The following SEPTIN9 variants were observed in gnomAD, a reference collection of about 807,000 sequenced individuals.
The protein encoded by SEPTIN9 is septin-9.
Under a neutral mutation model 56.6 loss-of-function variants are expected in SEPTIN9, and 13 were observed. The ratio of observed to expected loss-of-function variants is 0.23; its 90% CI spans 0.15 to 0.37. The LOEUF is 0.37. Ranked by LOEUF, SEPTIN9 falls within the 10% of genes least tolerant of loss-of-function variation. The pLI, the probability that SEPTIN9 is intolerant of heterozygous loss-of-function variation, is 1.00. For missense variants in SEPTIN9, 650 were observed against 823.1 expected (o/e 0.79, Z 2.57); for synonymous variants, 332 against 334.1 (o/e 0.99, Z 0.07).
chr17:77,429,444 C>A lies in SEPTIN9; in HGVS notation c.721+26741C>A. Reference sequence around the variant, plus strand: ...ATTGCATTTGGGGAGGGACTGAGGGCTGATTGTGTTGTGGGGATGTTGGCA... The same window carrying A: ...ATTGCATTTGGGGAGGGACTGAGGGATGATTGTGTTGTGGGGATGTTGGCA... On this transcript the variant is annotated intron_variant, in intron 3 of 11. Transcript: ENST00000427177. The surrounding 1 kb of genome is among the most constrained non-coding windows in gnomAD (Gnocchi z 5.2). 2.6e-6 allele frequency: 1 copy of A among 385,280 alleles called. No homozygotes were observed. The highest frequency in any genetic ancestry group is 3.3e-5 in the Admixed American group (1 of 30,386). 23.9% of individuals were successfully genotyped at this position (385,280 alleles called of 1,614,324 possible).
intron 3 of SEPTIN9, among the ~76,000 whole-genome samples, chr17:77,463,896 G>A (rs1177780185): frequency 6.6e-6 from 1 of 152,016 alleles, no homozygotes; most frequent in East Asian, 1.9e-4. Context: ...CTCGATCGCT[G>A]AAAATGTCAA....
At chr17:77,363,018 CG>C (rs2034462959) in intron 2 of SEPTIN9, among the ~76,000 whole-genome samples, 1 of 152,174 alleles carries the variant, frequency 6.6e-6, no homozygotes, top group Non-Finnish European at 1.5e-5. Context: ...ATGACCAAGG[CG>C]GGGAGAAGTG....
At chr17:77,493,927 C>T (rs2040147745) in intron 10 of SEPTIN9, among the ~76,000 whole-genome samples, 1 of 152,136 alleles carries the variant, frequency 6.6e-6, no homozygotes, top group African/African-American at 2.4e-5. Flanking sequence ...CACGTACCAC[C>T]CACCTGACTT....
intron 1 of SEPTIN9, among the ~76,000 whole-genome samples, chr17:77,287,146 G>C (rs1321713671): frequency 6.6e-6 from 1 of 152,234 alleles, no homozygotes; most frequent in African/African-American, 2.4e-5. Context: ...CCAGGTCATG[G>C]TGATCTGGAA....
chr17:77,391,810 GGCTGGTTCAGCTGGT>G (rs2035550807), intron 2 of SEPTIN9, among the ~76,000 whole-genome samples: 1 of 152,184 alleles, frequency 6.6e-6, no homozygotes, highest in African/African-American at 2.4e-5. Flanking sequence ...TTCAAGCTGG[GGCTGGTTCAGCTGGT>G]GCTGGCTTGC....
intron 2 of SEPTIN9, among the ~76,000 whole-genome samples, chr17:77,358,778 C>T (rs1450975236): frequency 2.0e-5 from 3 of 152,156 alleles, no homozygotes; most frequent in Admixed American, 1.3e-4. Context: ...AGGGGCTCAG[C>T]GTATAAAGAT....
chr17:77,308,065 T>G (rs1042890343), intron 2 of SEPTIN9, among the ~76,000 whole-genome samples: 1 of 152,154 alleles, frequency 6.6e-6, no homozygotes, highest in Non-Finnish European at 1.5e-5. Context: ...GCTTTTCTAT[T>G]TGGAGAGGAT....
chr17:77,476,907 G>A lies in SEPTIN9; in HGVS notation c.722-5237G>A, dbSNP rs1272565515. ...TAAAGCTGGCTCCTGGGCACTTGTGGAAAACACTGGACTCTTTATTTTATT... is the reference window on the plus strand; with the variant it reads ...TAAAGCTGGCTCCTGGGCACTTGTGAAAAACACTGGACTCTTTATTTTATT... On this transcript the variant is annotated intron_variant, in intron 3 of 11. Transcript: ENST00000427177. The surrounding 1 kb of genome is among the most constrained non-coding windows in gnomAD (Gnocchi z 6.0). Among the ~76,000 whole-genome samples, 2 of 152,224 alleles carry A rather than the reference G, an allele frequency of 1.3e-5. No individual in the cohort carries two copies. Among genetic ancestry groups the A allele is most frequent in the East Asian group, 1.9e-4 (1 of 5,206 alleles).
intron 2 of SEPTIN9, chr17:77,322,968 C>A (rs1236822462): frequency 6.6e-6 from 1 of 152,520 alleles, no homozygotes; most frequent in African/African-American, 2.4e-5. Flanking sequence ...TCATGCCCCA[C>A]TGGGCTGGCG....
intron 3 of SEPTIN9, among the ~76,000 whole-genome samples, chr17:77,447,379 C>T (rs760536467): frequency 3.3e-5 from 5 of 152,178 alleles, no homozygotes; most frequent in Non-Finnish European, 5.9e-5. Flanking sequence ...GCTTCAGGAC[C>T]CTCCACCAAA....
intron 2 of SEPTIN9, among the ~76,000 whole-genome samples, chr17:77,334,308 G>A (rs1440131961): frequency 1.3e-5 from 2 of 151,466 alleles, no homozygotes; most frequent in African/African-American, 4.9e-5. Flanking sequence ...TGTAGTCCCA[G>A]ATAATCGGGA....
rs1335682181 is a variant in SEPTIN9 at position 77,488,058 on chromosome 17, G to C, written c.1043-182G>C. On this transcript the variant is annotated intron_variant, in intron 5 of 11. Coordinates refer to ENST00000427177, the MANE Select transcript of SEPTIN9 (RefSeq NM_001113491.2). ...TTCCACCAAAAGTCTGACAGGCAAG[G>C]GGCTCCCAGGGGAACCGTCACCGGC... 2.6e-5 allele frequency among the ~76,000 whole-genome samples: 4 copies of C among 152,244 alleles called. No homozygotes were observed. In the East Asian group the frequency reaches 7.7e-4, roughly 29 times the overall value.
intron 3 of SEPTIN9, among the ~76,000 whole-genome samples, chr17:77,431,990 G>A (rs900745159): frequency 2.0e-5 from 3 of 152,106 alleles, no homozygotes; most frequent in African/African-American, 4.8e-5. Context: ...CGTGGCTGGC[G>A]GGACTTAGAA....
At chr17:77,314,180 A>ATTT (rs560462464) in intron 2 of SEPTIN9, among the ~76,000 whole-genome samples, 1 of 142,832 alleles carries the variant, frequency 7.0e-6, no homozygotes, top group Non-Finnish European at 1.5e-5. Flanking sequence ...AAAAAAAAAA[A>ATTT]TTTTTTTTTT....
chr17:77,329,070 A>G lies in SEPTIN9; in HGVS notation c.76+21873A>G, dbSNP rs1437479740. Among the ~76,000 whole-genome samples, 1 of 152,196 alleles carries G rather than the reference A, an allele frequency of 6.6e-6. No homozygotes were observed. On this transcript the variant is annotated intron_variant, in intron 2 of 11. Coordinates refer to ENST00000427177, the MANE Select transcript of SEPTIN9 (RefSeq NM_001113491.2). This position sits in a 1 kb window ranked among gnomAD's most constrained non-coding sequence, Gnocchi z 4.3. The stretch of plus-strand genomic sequence containing the variant: ...TGGAGTGTGTTTTCAGAGACGGGCC[A>G]TGGTGACACCAATGCGACAGGCAGG...
chr17:77,473,203 T>A (rs1453492880), intron 3 of SEPTIN9, among the ~76,000 whole-genome samples: 1 of 152,212 alleles, frequency 6.6e-6, no homozygotes, highest in African/African-American at 2.4e-5. Context: ...CTCTTACCTC[T>A]TTGTTTCTCA....
At chr17:77,461,676 T>A (rs939678427) in intron 3 of SEPTIN9, among the ~76,000 whole-genome samples, 11 of 152,260 alleles carry the variant, frequency 7.2e-5, no homozygotes, top group African/African-American at 2.7e-4. Flanking sequence ...GTGATTGTAT[T>A]AGGGTCATCC....
In SEPTIN9 at chr17:77,429,088, G is replaced by GCC. The variant is rs1218030950; in HGVS notation, c.721+26388_721+26389dup. On this transcript the variant is annotated intron_variant, in intron 3 of 11. Transcript: ENST00000427177. This position sits in a 1 kb window ranked among gnomAD's most constrained non-coding sequence, Gnocchi z 5.2. ...GATGTACCTGTTCTTGGCTATTTGT[G>GCC]CCCCAGCTCCGTGTCCTCCGGTGTG... The GCC allele has an allele frequency of 2.1e-6, 1 of 471,524 alleles. No individual in the cohort carries two copies. Among genetic ancestry groups the GCC allele is most frequent in the Non-Finnish European group, 4.4e-6 (1 of 227,162 alleles). The allele number at this position is 471,524 out of a possible 1,614,324, so 29.2% of individuals were successfully genotyped here.
At chr17:77,290,116 G>C (rs368878493) in intron 1 of SEPTIN9, among the ~76,000 whole-genome samples, 1 of 152,092 alleles carries the variant, frequency 6.6e-6, no homozygotes, top group Non-Finnish European at 1.5e-5. Context: ...TGGTGTGGAC[G>C]CTCCTCCTTG....
Sources: gnomAD v4.1 joint callset for allele counts (sites outside exome capture counted in the v4.1 genomes callset) on GRCh38, gnomAD v4.1.1 for gene constraint, Gnocchi (gnomAD v3.1) non-coding constraint, MANE v1.5 for transcripts, NCBI Gene and HGNC (gene_info 2026-07-23, HGNC 2026-07-21) for gene names.